Variants in TRAM1L1 observed in about 807,000 individuals in gnomAD.
The protein encoded by TRAM1L1 is translocating chain-associated membrane protein 1-like 1.
For missense variants in TRAM1L1, 451 were observed against 439.9 expected, an observed-to-expected ratio of 1.03 and a Z score of -0.23; for synonymous variants, 189 against 163.6, an observed-to-expected ratio of 1.16 and a Z score of -1.18.
In TRAM1L1 at chr4:117,084,836, C is replaced by T; in HGVS notation, c.558G>A (p.Gln186=). 2 of 1,613,992 alleles carry T rather than the reference C, an allele frequency of 1.2e-6. No homozygotes were observed. Among genetic ancestry groups the T allele is most frequent in the Non-Finnish European group, 1.7e-6 (2 of 1,179,988 alleles). Residue 186 remains glutamine, a synonymous_variant, in exon 1 of 1, where the codon CAG becomes CAA. Transcript: ENST00000310754. ...WFHAFPELYF[Q]KTKKQDIPRQ... is the part of the protein sequence containing the mutation. ...GAGGGATGTCTTGTTTTTTGGTTTT[C>T]TGGAAGTAGAGTTCAGGAAAAGCAT...
At position 117,085,051 on chromosome 4, in the gene TRAM1L1, T is replaced by C. The variant is rs748046610; in HGVS notation, c.343A>G (p.Lys115Glu). 26 of 1,614,040 alleles carry C rather than the reference T, an allele frequency of 1.6e-5. 2 individuals are homozygous for C. The South Asian group carries it at 2.6e-4, about 16-fold the overall frequency. Residue 115 changes from lysine (K) to glutamate (E), a missense_variant, in exon 1 of 1, where the codon AAA becomes GAA. Transcript: ENST00000310754. ...INKRMQFTKA[K>E]QNKFNESGQF... ...CCAGACTCGTTAAACTTGTTTTGTT[T>C]CGCTTTGGTGAACTGCATTCTCTTG...
At position 117,085,480 on chromosome 4, in the gene TRAM1L1, C is replaced by CG. The variant is rs1315874403; in HGVS notation, c.-88dup. ...AGCGCCGCCGCCACGGTAGCAGCTC[C>CG]GGGGGCTCCACTTCCCATCCCGAAG... On this transcript the variant is annotated 5_prime_UTR_variant, in exon 1 of 1. The change abolishes the stop of an existing upstream ORF in the 5' untranslated region. Transcript: ENST00000310754. 6.6e-7 allele frequency: 1 copy of CG among 1,514,628 alleles called. No individual in the cohort carries two copies. Among genetic ancestry groups the CG allele is most frequent in the Non-Finnish European group, 8.9e-7 (1 of 1,127,160 alleles). The allele number at this position is 1,514,628 out of a possible 1,614,324, so 93.8% of individuals were successfully genotyped here.
chr4:117,084,796 T>A lies in TRAM1L1; in HGVS notation c.598A>T (p.Ile200Phe), dbSNP rs201297790. The A allele has an allele frequency of 1.1e-5, 18 of 1,614,196 alleles. No homozygotes were observed. Among genetic ancestry groups the A allele is most frequent in the Non-Finnish European group, 1.5e-5 (18 of 1,180,036 alleles). Residue 200 changes from isoleucine to phenylalanine, a missense_variant, in exon 1 of 1, where the codon ATT becomes TTT. Ile to Phe is a conservative substitution (Grantham distance 21, BLOSUM62 0). Coordinates refer to ENST00000310754, the MANE Select transcript of TRAM1L1 (RefSeq NM_152402.3). Reference sequence around the variant, plus strand: ...GTAATGTGGAAGAGGTGAAGACCAATGTAGACAAGTTGACGAGGGATGTCT... The same window carrying A: ...GTAATGTGGAAGAGGTGAAGACCAAAGTAGACAAGTTGACGAGGGATGTCT... ...KQDIPRQLVY[I>F]GLHLFHITGA...
chr4:117,083,615 G>T lies in TRAM1L1; in HGVS notation c.*669C>A, dbSNP rs1346677434. On this transcript the variant is annotated 3_prime_UTR_variant, in exon 1 of 1. Transcript: ENST00000310754. ...ATTTACAAGTGGAATGGACAGGAAT[G>T]ATTTTAATATTTTTATATTAATTAA... 2 of 152,376 alleles carry T rather than the reference G, an allele frequency of 1.3e-5. No homozygotes were observed. Among genetic ancestry groups the T allele is most frequent in the African/African-American group, 2.4e-5 (1 of 41,530 alleles). 9.4% of individuals were successfully genotyped at this position (152,376 alleles called of 1,614,324 possible).
rs1732401607 is a variant in TRAM1L1 at position 117,084,060 on chromosome 4, T to C, written c.*224A>G. 1 of 447,338 alleles carries C rather than the reference T, an allele frequency of 2.2e-6. No individual in the cohort carries two copies. The highest frequency in any genetic ancestry group is 3.9e-6 in the Non-Finnish European group (1 of 255,978). 27.7% of individuals were successfully genotyped at this position (447,338 alleles called of 1,614,324 possible). ...TATAGTGGTGATCCCCAAAACTATT[T>C]TGACATTATTTTGACGATGAGTAAT... On this transcript the variant is annotated 3_prime_UTR_variant, in exon 1 of 1. Coordinates refer to ENST00000310754, the MANE Select transcript of TRAM1L1 (RefSeq NM_152402.3).
chr4:117,084,185 G>A lies in TRAM1L1; in HGVS notation c.*99C>T. 8.1e-7 allele frequency: 1 copy of A among 1,229,114 alleles called. No homozygotes were observed. Among genetic ancestry groups the A allele is most frequent in the Non-Finnish European group, 1.1e-6 (1 of 892,604 alleles). The allele number at this position is 1,229,114 out of a possible 1,614,324, so 76.1% of individuals were successfully genotyped here. A position where few individuals can be genotyped will look rare whatever the true frequency, so the allele number is the denominator to read the frequency against. On this transcript the variant is annotated 3_prime_UTR_variant, in exon 1 of 1. Transcript: ENST00000310754. ...AAACAGTTCAATAACAAAAACCGAAGAGCACGAACTATTTTCAAAAACAGA... is the reference window on the plus strand; with the variant it reads ...AAACAGTTCAATAACAAAAACCGAAAAGCACGAACTATTTTCAAAAACAGA...
rs1732415433 is a variant in TRAM1L1 at position 117,084,702 on chromosome 4, A to T, written c.692T>A (p.Leu231Ter). The T allele has an allele frequency of 6.2e-7, 1 of 1,614,094 alleles. No homozygotes were observed. Among genetic ancestry groups the T allele is most frequent in the Non-Finnish European group, 8.5e-7 (1 of 1,180,040 alleles). Reference protein sequence around the residue: ...LLLVLHYFVELLSHMCGLFYF... With the variant: ...LLLVLHYFVE ...AAACAGGCCGCACATGTGGGAAAGT[A>T]ATTCAACAAAATAATGCAGTACCAA... The change falls in exon 1 of 1, where the codon TTA (leucine) becomes TAA (stop). Residue 231 changes from leucine to a stop codon, truncating the protein, a stop_gained. Transcript: ENST00000310754. LOFTEE classifies it low-confidence loss of function (END_TRUNC).
Position 117,085,399 on chromosome 4 carries a change from C to T in TRAM1L1, c.-6G>A. The T allele has an allele frequency of 6.2e-7, 1 of 1,600,354 alleles. No individual in the cohort carries two copies. The highest frequency in any genetic ancestry group is 1.1e-5 in the South Asian group (1 of 90,328). The stretch of plus-strand genomic sequence containing the variant: ...CTCTTCTTACGGAGCCCCATGGTGG[C>T]GCTTCCCGGATACTCACCGGCGAGC... On this transcript the variant is annotated 5_prime_UTR_variant, in exon 1 of 1. Coordinates refer to ENST00000310754, the MANE Select transcript of TRAM1L1 (RefSeq NM_152402.3).
In TRAM1L1 at chr4:117,084,509, T is replaced by G; in HGVS notation, c.885A>C (p.Ala295=). 6.2e-7 allele frequency: 1 copy of G among 1,614,204 alleles called. No homozygotes were observed. The highest frequency in any genetic ancestry group is 8.5e-7 in the Non-Finnish European group (1 of 1,180,038). Residue 295 remains alanine, a synonymous_variant, in exon 1 of 1, where the codon GCA becomes GCC. Coordinates refer to ENST00000310754, the MANE Select transcript of TRAM1L1 (RefSeq NM_152402.3). Reference sequence around the variant, plus strand: ...TGGACGACAGAACAGCAATTTTAGCTGCCAACACATTTACATTTCCAGTAA... The same window carrying G: ...TGGACGACAGAACAGCAATTTTAGCGGCCAACACATTTACATTTCCAGTAA... ...DALTGNVNVL[A]AKIAVLSSSC...
Position 117,084,567 on chromosome 4 carries a change from A to C in TRAM1L1, c.827T>G (p.Leu276Arg). The change falls in exon 1 of 1, where the codon CTG becomes CGG. Residue 276 changes from leucine to arginine, a missense_variant. By Grantham distance (102) the Leu-to-Arg change is moderately radical (BLOSUM62 -2). Coordinates refer to ENST00000310754, the MANE Select transcript of TRAM1L1 (RefSeq NM_152402.3). ...AGGATTCCGATTCTGCGATCCAGCC[A>C]GGTGAAACCCAACAGTGAGTACGGA... Reference protein sequence around the residue: ...IVSVLTVGFHLAGSQNRNPDA... With the variant: ...IVSVLTVGFHRAGSQNRNPDA... 6.2e-7 allele frequency: 1 copy of C among 1,614,246 alleles called. No homozygotes were observed. Among genetic ancestry groups the C allele is most frequent in the Non-Finnish European group, 8.5e-7 (1 of 1,180,042 alleles).
At position 117,084,027 on chromosome 4, in the gene TRAM1L1, A is replaced by C; in HGVS notation, c.*257T>G. The C allele has an allele frequency of 2.6e-6, 1 of 382,440 alleles. No individual in the cohort carries two copies. Among genetic ancestry groups the C allele is most frequent in the Non-Finnish European group, 4.6e-6 (1 of 215,672 alleles). The allele number at this position is 382,440 out of a possible 1,614,324, so 23.7% of individuals were successfully genotyped here. ...GAAAATGTTGAAAGGTTAAAAATCA[A>C]AACAAAATATAGTGGTGATCCCCAA... On this transcript the variant is annotated 3_prime_UTR_variant, in exon 1 of 1. Transcript: ENST00000310754.
Position 117,085,365 on chromosome 4 carries a change from T to G in TRAM1L1, c.29A>C (p.Asn10Thr), listed in dbSNP as rs1732436234. ...GAATTCCTGGCTGAGAACGGGGGGG[T>G]TCTTGGTGCTCTTCTTACGGAGCCC... Reference protein sequence around the residue: MGLRKKSTKNPPVLSQEFIL... With the variant: MGLRKKSTKTPPVLSQEFIL... The change falls in exon 1 of 1, where the codon AAC (asparagine) becomes ACC (threonine). Residue 10 changes from asparagine (N) to threonine (T), a missense_variant. Asn to Thr is a moderately conservative substitution (Grantham distance 65, BLOSUM62 0). Transcript: ENST00000310754. 6.2e-7 allele frequency: 1 copy of G among 1,612,724 alleles called. No individual in the cohort carries two copies. The highest frequency in any genetic ancestry group is 8.5e-7 in the Non-Finnish European group (1 of 1,179,356).
chr4:117,084,725 C>A lies in TRAM1L1; in HGVS notation c.669G>T (p.Leu223Phe), dbSNP rs1336984021. 1.9e-6 allele frequency: 3 copies of A among 1,614,004 alleles called. No homozygotes were observed. The South Asian group carries it at 3.3e-5, about 18-fold the overall frequency. The stretch of plus-strand genomic sequence containing the variant: ...GTAATTCAACAAAATAATGCAGTAC[C>A]AAAAGAAGAAGTCCCAAATGATTCA... ...LYLNHLGLLL[L>F]VLHYFVELLS... Residue 223 changes from leucine to phenylalanine, a missense_variant, in exon 1 of 1, where the codon TTG becomes TTT. Transcript: ENST00000310754.
chr4:117,085,538 A>C lies in TRAM1L1; in HGVS notation c.-145T>G. 4 of 1,131,628 alleles carry C rather than the reference A, an allele frequency of 3.5e-6. No homozygotes were observed. The highest frequency in any genetic ancestry group is 4.9e-6 in the Non-Finnish European group (4 of 808,698). 70.1% of individuals were successfully genotyped at this position (1,131,628 alleles called of 1,614,324 possible). A position where few individuals can be genotyped will look rare whatever the true frequency, so the allele number is the denominator to read the frequency against. The stretch of plus-strand genomic sequence containing the variant: ...CGGGTCGCAGCGGCCGCCCAGAAAA[A>C]AAATAAATCAAAGGCGAGGGCCGAG... On this transcript the variant is annotated 5_prime_UTR_variant, in exon 1 of 1. Transcript: ENST00000310754.
rs1429444124 is a variant in TRAM1L1, at chr4:117,083,628, T to G, written c.*656A>C. ...ATGGACAGGAATGATTTTAATATTT[T>G]TATATTAATTAATGATATTTTGATG... On this transcript the variant is annotated 3_prime_UTR_variant, in exon 1 of 1. Coordinates refer to ENST00000310754, the MANE Select transcript of TRAM1L1 (RefSeq NM_152402.3). 2 of 152,466 alleles carry G rather than the reference T, an allele frequency of 1.3e-5. No individual in the cohort carries two copies. The highest frequency in any genetic ancestry group is 4.8e-5 in the African/African-American group (2 of 41,448). 9.4% of individuals were successfully genotyped at this position (152,466 alleles called of 1,614,324 possible). A position where few individuals can be genotyped will look rare whatever the true frequency, so the allele number is the denominator to read the frequency against.
At position 117,085,199 on chromosome 4, in the gene TRAM1L1, T is replaced by A; in HGVS notation, c.195A>T (p.Gln65His). The change falls in exon 1 of 1, where the codon CAA becomes CAT. Residue 65 changes from glutamine to histidine, a missense_variant. Coordinates refer to ENST00000310754, the MANE Select transcript of TRAM1L1 (RefSeq NM_152402.3). ...HSVAVPAAEE[Q>H]ATGSKSLYYY... ...AATAGAGGGACTTTGAGCCCGTGGC[T>A]TGTTCCTCTGCTGCAGGGACAGCAA... The A allele has an allele frequency of 6.2e-7, 1 of 1,614,124 alleles. No homozygotes were observed.
At position 117,084,214 on chromosome 4, in the gene TRAM1L1, A is replaced by C; in HGVS notation, c.*70T>G. 1.4e-6 allele frequency: 2 copies of C among 1,455,586 alleles called. No homozygotes were observed. Among genetic ancestry groups the C allele is most frequent in the Non-Finnish European group, 1.8e-6 (2 of 1,087,966 alleles). The allele number at this position is 1,455,586 out of a possible 1,614,324, so 90.2% of individuals were successfully genotyped here. The stretch of plus-strand genomic sequence containing the variant: ...ACGAACTATTTTCAAAAACAGAAAA[A>C]TCTCTAGTGCAGAAAGAAACCTCAA... On this transcript the variant is annotated 3_prime_UTR_variant, in exon 1 of 1. Transcript: ENST00000310754.
At position 117,084,028 on chromosome 4, in the gene TRAM1L1, A is replaced by G. The variant is rs545038380; in HGVS notation, c.*256T>C. ...AAAATGTTGAAAGGTTAAAAATCAA[A>G]ACAAAATATAGTGGTGATCCCCAAA... On this transcript the variant is annotated 3_prime_UTR_variant, in exon 1 of 1. Transcript: ENST00000310754. 1 of 383,736 alleles carries G rather than the reference A, an allele frequency of 2.6e-6. No individual in the cohort carries two copies. The highest frequency in any genetic ancestry group is 4.3e-5 in the East Asian group (1 of 23,444). 23.8% of individuals were successfully genotyped at this position (383,736 alleles called of 1,614,324 possible). A position where few individuals can be genotyped will look rare whatever the true frequency, so the allele number is the denominator to read the frequency against.
Position 117,085,404 on chromosome 4 carries a change from CCCGGATACTCA to C in TRAM1L1, c.-22_-12del, listed in dbSNP as rs775558741. The C allele has an allele frequency of 5.3e-5, 84 of 1,595,670 alleles. No homozygotes were observed. The highest frequency in any genetic ancestry group is 7.0e-5 in the Non-Finnish European group (82 of 1,167,568). On this transcript the variant is annotated 5_prime_UTR_variant, in exon 1 of 1. Coordinates refer to ENST00000310754, the MANE Select transcript of TRAM1L1 (RefSeq NM_152402.3). ...CTTACGGAGCCCCATGGTGGCGCTT[CCCGGATACTCA>C]CCGGCGAGCCGCAGCTGCCTCCCCC...
Sources: allele counts gnomAD v4.1 joint callset, GRCh38; gene constraint gnomAD v4.1.1; transcripts MANE v1.5; gene names NCBI Gene and HGNC (gene_info 2026-07-23, HGNC 2026-07-21).